KCNK2: variants seen among roughly 807,000 people sequenced by gnomAD.
KCNK2 encodes the protein potassium two pore domain channel subfamily K member 2, also known as potassium channel subfamily K member 2.
A neutral mutation model predicts 40.5 loss-of-function variants in KCNK2; 21 were observed. The ratio of observed to expected loss-of-function variants is 0.52; its 90% CI spans 0.37 to 0.75. KCNK2 has a LOEUF of 0.75. Among genes scored for constraint, KCNK2 ranks in the 30% least tolerant of loss-of-function variants. The probability of loss-of-function intolerance (pLI) is 0.00; values close to 1 mark genes in which losing one functional copy is unlikely to be tolerated. For synonymous variants in KCNK2, 191 were observed against 202.2 expected (o/e 0.94, Z 0.47); for missense variants, 399 against 531.6 (o/e 0.75, Z 2.45).
intron 1 of KCNK2, among the ~76,000 whole-genome samples, chr1:215,022,728 C>G (rs1656850480): frequency 1.3e-5 from 2 of 152,062 alleles, no homozygotes; most frequent in African/African-American, 2.4e-5. Context: ...GGCCCTTTCC[C>G]AAAACACCAG....
chr1:215,196,326 A>T (rs1212822845), intron 6 of KCNK2, among the ~76,000 whole-genome samples: 1 of 151,972 alleles, frequency 6.6e-6, no homozygotes, highest in Non-Finnish European at 1.5e-5. Flanking sequence ...CCTTCAAGTG[A>T]TCTGCCCGCC....
intron 1 of KCNK2, among the ~76,000 whole-genome samples, chr1:215,063,298 T>C (rs1229379392): frequency 2.0e-5 from 3 of 152,182 alleles, no homozygotes; most frequent in African/African-American, 7.2e-5. Context: ...TGGCAGGTTT[T>C]CAGCTGGATT....
Position 215,010,860 on chromosome 1 carries a change from T to TGTGTG in KCNK2, c.34+4905_34+4906insGTGTG, listed in dbSNP as rs1553254938. Among the ~76,000 whole-genome samples the TGTGTG allele has an allele frequency of 6.2e-3, 715 of 116,050 alleles. 6 individuals are homozygous for TGTGTG. Among genetic ancestry groups the TGTGTG allele is most frequent in the African/African-American group, 0.024 (675 of 28,700 alleles). 76.1% of individuals were successfully genotyped at this position (116,050 alleles called of 152,430 possible). Reference sequence around the variant, plus strand: ...TGCTCACAGGACACAGATTTTTTTTTTTTTTTTTTGTGTGTGTGTGTGTGT... The same window carrying TGTGTG: ...TGCTCACAGGACACAGATTTTTTTTTGTGTGTTTTTTTTTGTGTGTGTGTGTGTGT... On this transcript the variant is annotated intron_variant, in intron 1 of 6. Coordinates refer to the KCNK2 transcript ENST00000391895.
At chr1:215,084,480 T>C (rs1399143243) in intron 1 of KCNK2, among the ~76,000 whole-genome samples, 1 of 152,224 alleles carries the variant, frequency 6.6e-6, no homozygotes, top group Non-Finnish European at 1.5e-5. Context: ...GTTCCAAAGA[T>C]GGCTAAATTT....
chr1:215,203,294 C>T (rs1157002125), intron 6 of KCNK2, among the ~76,000 whole-genome samples: 1 of 152,146 alleles, frequency 6.6e-6, no homozygotes, highest in Non-Finnish European at 1.5e-5. Flanking sequence ...AATTCTATCT[C>T]AACTATTTAC....
intron 6 of KCNK2, among the ~76,000 whole-genome samples, chr1:215,206,285 T>C (rs550289374): frequency 2.6e-5 from 4 of 152,224 alleles, no homozygotes; most frequent in Non-Finnish European, 5.9e-5. Flanking sequence ...CATTCAGATA[T>C]GGAAGAGTAG....
At chr1:215,083,472 C>G (rs751731854) in intron 1 of KCNK2, 41 bp downstream of exon 1, 2 of 1,433,474 alleles carry the variant, frequency 1.4e-6, no homozygotes, top group Non-Finnish European at 2.0e-6. Context: ...TCTGGCCGCA[C>G]GCTCTCCTGC....
intron 6 of KCNK2, among the ~76,000 whole-genome samples, chr1:215,232,398 G>A (rs116423152): frequency 0.019 from 2,900 of 152,300 alleles, 87 homozygotes; most frequent in African/African-American, 0.066. Flanking sequence ...TGAGATGGAA[G>A]AGGCAGAAAG....
intron 3 of KCNK2, among the ~76,000 whole-genome samples, chr1:215,166,338 T>C (rs1663446438): frequency 6.6e-6 from 1 of 151,932 alleles, no homozygotes; most frequent in South Asian, 2.1e-4. Context: ...AAACAGAGGA[T>C]TCAAAAGATG....
intron 1 of KCNK2, among the ~76,000 whole-genome samples, chr1:215,018,113 G>T (rs2102475696): frequency 6.6e-6 from 1 of 152,246 alleles, no homozygotes; most frequent in African/African-American, 2.4e-5. Context: ...GTATGATGTA[G>T]ATATTGATAT....
At chr1:215,095,458 TC>T (rs1331396560) in intron 2 of KCNK2, among the ~76,000 whole-genome samples, 1 of 152,150 alleles carries the variant, frequency 6.6e-6, no homozygotes, top group East Asian at 1.9e-4. Flanking sequence ...AGATTTTTCT[TC>T]ATGATCACCG....
intron 3 of KCNK2, among the ~76,000 whole-genome samples, chr1:215,154,341 G>A (rs1362753174): frequency 6.6e-6 from 1 of 152,040 alleles, no homozygotes; most frequent in Non-Finnish European, 1.5e-5. Context: ...TTCTCTAATG[G>A]TCAGTGATGT....
At chr1:215,062,481 C>T (rs963488371) in intron 1 of KCNK2, among the ~76,000 whole-genome samples, 1 of 151,522 alleles carries the variant, frequency 6.6e-6, no homozygotes. Flanking sequence ...AAATAAATAT[C>T]GAATCAGACT....
At chr1:215,085,205 T>A (rs1659375948) in intron 1 of KCNK2, among the ~76,000 whole-genome samples, 2 of 152,202 alleles carry the variant, frequency 1.3e-5, no homozygotes, top group Admixed American at 1.3e-4. Flanking sequence ...TAATCTATAT[T>A]ATATACACGA....
intron 2 of KCNK2, among the ~76,000 whole-genome samples, chr1:215,117,649 A>G (rs766025385): frequency 2.0e-5 from 3 of 152,164 alleles, no homozygotes; most frequent in Non-Finnish European, 4.4e-5. Context: ...GCCTAGTGTT[A>G]GCATTAACTG....
chr1:215,080,710 G>A (rs1659122361), upstream of KCNK2, among the ~76,000 whole-genome samples: 1 of 152,170 alleles, frequency 6.6e-6, no homozygotes, highest in Admixed American at 6.5e-5. Flanking sequence ...GATGAAAGAC[G>A]AGTTGACCTG....
At chr1:215,048,195 T>A (rs1380166181) in intron 1 of KCNK2, among the ~76,000 whole-genome samples, 1 of 152,194 alleles carries the variant, frequency 6.6e-6, no homozygotes, top group East Asian at 1.9e-4. Flanking sequence ...AACAGATACA[T>A]CACTACTAAT....
intron 1 of KCNK2, among the ~76,000 whole-genome samples, chr1:215,063,389 T>C (rs1364270469): frequency 1.3e-5 from 2 of 152,118 alleles, no homozygotes; most frequent in African/African-American, 2.4e-5. Flanking sequence ...GAGCACCAAC[T>C]TGGAGACTGC....
At chr1:215,128,840 A>T (rs576833189) in intron 3 of KCNK2, among the ~76,000 whole-genome samples, 48 of 152,368 alleles carry the variant, frequency 3.2e-4, no homozygotes, top group African/African-American at 1.1e-3. Flanking sequence ...AGTAATGTTG[A>T]CTGCTTTAGA....
Sources: allele counts gnomAD v4.1 joint callset (sites outside exome capture counted in the v4.1 genomes callset), GRCh38; gene constraint gnomAD v4.1.1; transcripts MANE v1.5; gene names NCBI Gene and HGNC (gene_info 2026-07-23, HGNC 2026-07-21).